Variants in ZNF385B observed in about 807,000 individuals in gnomAD.
ZNF385B encodes zinc finger protein 533.
ZNF385B carries 23 observed loss-of-function variants against 39.2 expected under a neutral mutation model. The observed-to-expected ratio is 0.59, with a 90% confidence interval of 0.42 to 0.83. The LOEUF (loss-of-function observed/expected upper bound fraction) is 0.83. ZNF385B is among the 40% of genes least tolerant of loss of function. The probability of loss-of-function intolerance (pLI) is 0.00; values close to 1 mark genes in which losing one functional copy is unlikely to be tolerated. For missense variants in ZNF385B, 552 were observed against 598.9 expected (o/e 0.92, Z 0.82); for synonymous variants, 205 against 222.6 (o/e 0.92, Z 0.70).
chr2:179,800,893 A>G (rs1255454044), intron 1 of ZNF385B, among the ~76,000 whole-genome samples: 2 of 152,152 alleles, frequency 1.3e-5, no homozygotes, highest in Non-Finnish European at 1.5e-5. Context: ...ACAATTTCTT[A>G]CATAACTACA....
At chr2:179,618,190 T>C (rs951426) in intron 3 of ZNF385B, among the ~76,000 whole-genome samples, 72,034 of 152,040 alleles carry the variant, frequency 0.47, 17,195 homozygotes, top group Middle Eastern at 0.55. Flanking sequence ...ACATTTTATC[T>C]GTTACCTTAG....
chr2:179,653,832 G>A (rs1028935408), intron 3 of ZNF385B, among the ~76,000 whole-genome samples: 5 of 152,094 alleles, frequency 3.3e-5, no homozygotes, highest in Non-Finnish European at 5.9e-5. Flanking sequence ...AACAAACTCA[G>A]ACGAGCCAGT....
At chr2:179,630,014 A>G (rs1331298033) in intron 3 of ZNF385B, among the ~76,000 whole-genome samples, 2 of 152,254 alleles carry the variant, frequency 1.3e-5, no homozygotes, top group Non-Finnish European at 2.9e-5. Context: ...GTGGCCAAGA[A>G]GCTCAAACTG....
chr2:179,811,737 G>A (rs1179198926), intron 1 of ZNF385B, among the ~76,000 whole-genome samples: 1 of 151,784 alleles, frequency 6.6e-6, no homozygotes, highest in Non-Finnish European at 1.5e-5. Context: ...ATTGGCCTTG[G>A]GAAAAAATTT....
intron 3 of ZNF385B, among the ~76,000 whole-genome samples, chr2:179,685,045 C>T (rs1317394811): frequency 6.6e-6 from 1 of 152,050 alleles, no homozygotes; most frequent in East Asian, 1.9e-4. Context: ...TATAATTTTC[C>T]CCTTGTCTAT....
intron 1 of ZNF385B, among the ~76,000 whole-genome samples, chr2:179,825,810 T>C (rs1285317981): frequency 6.6e-6 from 1 of 152,094 alleles, no homozygotes; most frequent in African/African-American, 2.4e-5. Flanking sequence ...GGGAGTAAAA[T>C]ACCACTGATG....
At chr2:179,674,238 G>A (rs758340574) in intron 3 of ZNF385B, among the ~76,000 whole-genome samples, 3 of 152,216 alleles carry the variant, frequency 2.0e-5, no homozygotes, top group South Asian at 2.1e-4. Flanking sequence ...AAAAATGGTC[G>A]CAATTCCTGC....
At chr2:179,776,670 G>A (rs1375977534) in intron 1 of ZNF385B, among the ~76,000 whole-genome samples, 1 of 152,144 alleles carries the variant, frequency 6.6e-6, no homozygotes, top group Non-Finnish European at 1.5e-5. Context: ...GCAATGGGCT[G>A]AGGGATGCTC....
chr2:179,532,085 A>G (rs932512987), intron 4 of ZNF385B, among the ~76,000 whole-genome samples: 9 of 152,198 alleles, frequency 5.9e-5, no homozygotes, highest in African/African-American at 2.2e-4. Context: ...GGCTCTGTTA[A>G]TGGTTCAGCT....
rs2058423764 is a variant in ZNF385B, at chr2:179,520,703, G to C, written c.442-2065C>G. Among the ~76,000 whole-genome samples the C allele has an allele frequency of 2.0e-5, 3 of 152,194 alleles. No homozygotes were observed. The South Asian group carries it at 6.2e-4, about 32-fold the overall frequency. ...TTAAAAAACAAGAGCATTTTATTGA[G>C]ATAGTTTCTGATCTCAGGCTCTGAA... On this transcript the variant is annotated intron_variant, in intron 4 of 9. Transcript: ENST00000410066.
At chr2:179,748,957 G>A (rs1702526130) in intron 3 of ZNF385B, among the ~76,000 whole-genome samples, 1 of 152,076 alleles carries the variant, frequency 6.6e-6, no homozygotes. Flanking sequence ...GAACAAACTA[G>A]ACTGGAATGT....
chr2:179,470,062 C>T (rs1286372526), intron 6 of ZNF385B, among the ~76,000 whole-genome samples: 2 of 152,162 alleles, frequency 1.3e-5, no homozygotes, highest in Non-Finnish European at 2.9e-5. Flanking sequence ...TGGGTCTTTC[C>T]CTGGCCTCCC....
chr2:179,474,808 A>T (rs2053225493), intron 6 of ZNF385B, among the ~76,000 whole-genome samples: 1 of 152,196 alleles, frequency 6.6e-6, no homozygotes, highest in South Asian at 2.1e-4. Flanking sequence ...AATAAGCATC[A>T]CAGGAAAAGG....
chr2:179,743,656 C>T (rs962311752), intron 3 of ZNF385B, among the ~76,000 whole-genome samples: 1 of 152,040 alleles, frequency 6.6e-6, no homozygotes, highest in Non-Finnish European at 1.5e-5. Flanking sequence ...TTGATCACCT[C>T]TATTTCAAAA....
intron 3 of ZNF385B, among the ~76,000 whole-genome samples, chr2:179,649,412 T>C (rs1575086352): frequency 6.6e-6 from 1 of 152,326 alleles, no homozygotes; most frequent in East Asian, 1.9e-4. Context: ...TATAGGAGAT[T>C]GTCTTGCTTA....
intron 3 of ZNF385B, among the ~76,000 whole-genome samples, chr2:179,748,601 T>C (rs920848816): frequency 1.3e-5 from 2 of 152,046 alleles, no homozygotes; most frequent in Non-Finnish European, 2.9e-5. Flanking sequence ...GCAATAGAGG[T>C]TCTTTAAAAT....
chr2:179,542,680 C>G (rs2059991550), intron 4 of ZNF385B, among the ~76,000 whole-genome samples: 1 of 151,932 alleles, frequency 6.6e-6, no homozygotes, highest in Admixed American at 6.6e-5. Flanking sequence ...CTCTTCAAAA[C>G]AGAGAGGCAG....
At chr2:179,663,590 G>A (rs1244773678) in intron 3 of ZNF385B, among the ~76,000 whole-genome samples, 1 of 151,858 alleles carries the variant, frequency 6.6e-6, no homozygotes, top group Admixed American at 6.6e-5. Flanking sequence ...GGCGCCTGTA[G>A]TCCCAGCTAA....
At chr2:179,789,774 C>G (rs1321252225) in intron 1 of ZNF385B, among the ~76,000 whole-genome samples, 2 of 152,000 alleles carry the variant, frequency 1.3e-5, no homozygotes, top group African/African-American at 4.8e-5. Context: ...CTATTTGTAG[C>G]ATGTTGGGAT....
Sources: allele counts gnomAD v4.1 joint callset (sites outside exome capture counted in the v4.1 genomes callset), GRCh38; gene constraint gnomAD v4.1.1; transcripts MANE v1.5; gene names NCBI Gene and HGNC (gene_info 2026-07-23, HGNC 2026-07-21).